Variants in LRP6 observed in about 807,000 individuals in gnomAD.
LRP6 encodes LDL receptor related protein 6.
In LRP6, 43 loss-of-function variants were observed where a neutral mutation model predicts 184.1. The ratio of observed to expected loss-of-function variants is 0.23; its 90% CI spans 0.18 to 0.30. The LOEUF (loss-of-function observed/expected upper bound fraction) is 0.30, where lower values mean the gene tolerates loss of function less well. LRP6 is among the 10% of genes least tolerant of loss of function. The pLI is 1.00. For missense variants in LRP6, 1,571 were observed against 2,005.3 expected, an observed-to-expected ratio of 0.78 and a Z score of 4.14; for synonymous variants, 719 against 684.9, an observed-to-expected ratio of 1.05 and a Z score of -0.78.
At chr12:12,192,241 T>C (rs957025538) in intron 3 of LRP6, among the ~76,000 whole-genome samples, 1 of 151,976 alleles carries the variant, frequency 6.6e-6, no homozygotes, top group Non-Finnish European at 1.5e-5. Flanking sequence ...TTTGACAAAA[T>C]GCACGTTGCA....
intron 2 of LRP6, among the ~76,000 whole-genome samples, chr12:12,217,215 C>G (rs1322640356): frequency 6.6e-6 from 1 of 152,142 alleles, no homozygotes; most frequent in Non-Finnish European, 1.5e-5. Context: ...TCTGTCAGAT[C>G]AGTGGAGGTA....
In LRP6 at chr12:12,244,482, G is replaced by A. The variant is rs1211813119; in HGVS notation, c.229C>T (p.Arg77Ter). 1 of 1,614,110 alleles carries A rather than the reference G, an allele frequency of 6.2e-7. No homozygotes were observed. The highest frequency in any genetic ancestry group is 2.2e-5 in the East Asian group (1 of 44,888). The part of the protein sequence containing the change: ...WSDVSEEAIK[R>*]TEFNKTESVQ... Reference sequence around the variant, plus strand: ...CTCTCAGTTTTGTTAAATTCTGTTCGTTTAATGGCTTCTTCGCTGACATCA... The same window carrying A: ...CTCTCAGTTTTGTTAAATTCTGTTCATTTAATGGCTTCTTCGCTGACATCA... The change falls in exon 2 of 23, where the codon CGA becomes TGA. Residue 77 changes from arginine to a stop codon, truncating the protein, a stop_gained. Transcript: ENST00000261349. LOFTEE classifies it high-confidence loss of function.
Position 12,181,075 on chromosome 12 carries a change from T to C in LRP6, c.1341A>G (p.Glu447=). 6.2e-7 allele frequency: 1 copy of C among 1,613,922 alleles called. No individual in the cohort carries two copies. Among genetic ancestry groups the C allele is most frequent in the Non-Finnish European group, 8.5e-7 (1 of 1,179,934 alleles). ...RKILISEDLE[E]PRAIVLDPMV... The stretch of plus-strand genomic sequence containing the variant: ...TGGGATCTAACACAATAGCCCGGGG[T>C]TCCTCTAAGTCCTCTGAAATCAAGA... The change falls in exon 6 of 23, where the codon GAA becomes GAG. Residue 447 remains glutamate, a synonymous_variant. Coordinates refer to ENST00000261349, the MANE Select transcript of LRP6 (RefSeq NM_002336.3).
chr12:12,197,933 A>C (rs1291321964), intron 3 of LRP6, among the ~76,000 whole-genome samples: 1 of 152,214 alleles, frequency 6.6e-6, no homozygotes, highest in Non-Finnish European at 1.5e-5. Context: ...AGTCCCAGCT[A>C]CTTGGGAGGC....
chr12:12,162,254 G>C lies in LRP6; in HGVS notation c.2218C>G (p.Gln740Glu), dbSNP rs1591901585. ...EVSKLDGQHR[Q>E]VLVWKDLDSP... ...TCTAGGTCTTTCCACACCAAAACTT[G>C]TCGGTGCTGCCCATCCAACTTTGAC... Residue 740 changes from glutamine (Q) to glutamate (E), a missense_variant, in exon 10 of 23, where the codon CAA (glutamine) becomes GAA (glutamate). This residue lies in a region of LRP6 where 158 missense variants were observed against 258.4 expected (regional missense o/e 0.61). Transcript: ENST00000261349. 6.2e-7 allele frequency: 1 copy of C among 1,614,036 alleles called. No homozygotes were observed. The highest frequency in any genetic ancestry group is 8.5e-7 in the Non-Finnish European group (1 of 1,180,038).
At chr12:12,191,522 A>G (rs1004677673) in intron 3 of LRP6, among the ~76,000 whole-genome samples, 10 of 152,218 alleles carry the variant, frequency 6.6e-5, no homozygotes, top group African/African-American at 2.4e-4. Context: ...AAAACAAATT[A>G]CTAACATCAA....
At chr12:12,146,552 C>T (rs1950009239) in intron 15 of LRP6, among the ~76,000 whole-genome samples, 2 of 152,142 alleles carry the variant, frequency 1.3e-5, no homozygotes, top group Admixed American at 6.5e-5. Context: ...TATCTTAAGA[C>T]GAACAAATAA....
At chr12:12,127,945 CAT>C (rs1379964545) in intron 19 of LRP6, among the ~76,000 whole-genome samples, 3 of 152,190 alleles carry the variant, frequency 2.0e-5, no homozygotes, top group Non-Finnish European at 4.4e-5. Flanking sequence ...GAATCTGAAG[CAT>C]AGACTCTTCT....
At position 12,120,900 on chromosome 12, in the gene LRP6, T is replaced by C. The variant is rs867623413; in HGVS notation, c.*226A>G. On this transcript the variant is annotated 3_prime_UTR_variant, in exon 23 of 23. Coordinates refer to ENST00000261349, the MANE Select transcript of LRP6 (RefSeq NM_002336.3). ...AAACTTTTAGTACAAATTTTTTTTATACAAACTTTTATGGCACAAGCAGCA... is the reference window on the plus strand; with the variant it reads ...AAACTTTTAGTACAAATTTTTTTTACACAAACTTTTATGGCACAAGCAGCA... 1.7e-5 allele frequency: 7 copies of C among 402,304 alleles called. No individual in the cohort carries two copies. Among genetic ancestry groups the C allele is most frequent in the Middle Eastern group, 1.3e-3 (2 of 1,572 alleles). 24.9% of individuals were successfully genotyped at this position (402,304 alleles called of 1,614,324 possible).
At chr12:12,165,994 T>C (rs774974029) in intron 7 of LRP6, among the ~76,000 whole-genome samples, 2 of 152,230 alleles carry the variant, frequency 1.3e-5, no homozygotes, top group Non-Finnish European at 2.9e-5. Flanking sequence ...GCATTCATAC[T>C]GTATTCACAG....
intron 3 of LRP6, among the ~76,000 whole-genome samples, chr12:12,189,860 C>T (rs1217107745): frequency 2.6e-5 from 4 of 152,132 alleles, no homozygotes; most frequent in African/African-American, 9.7e-5. Context: ...CCTCCCGCCA[C>T]AAGCCAAGTT....
intron 1 of LRP6, among the ~76,000 whole-genome samples, chr12:12,251,926 G>C (rs190675857): frequency 2.3e-4 from 35 of 152,102 alleles, no homozygotes; most frequent in African/African-American, 8.2e-4. Context: ...CTGGAGTATA[G>C]TGGCACAATC....
Position 12,159,902 on chromosome 12 carries a change from C to T in LRP6, c.2342G>A (p.Ser781Asn). The change falls in exon 11 of 23, where the codon AGT becomes AAT. Residue 781 changes from serine (S) to asparagine (N), a missense_variant. By Grantham distance (46) the Ser-to-Asn change is conservative (BLOSUM62 1). Around this residue, in one of 4 missense-constraint regions of LRP6, gnomAD observed 158 missense variants for 258.4 expected, o/e 0.61. Coordinates refer to ENST00000261349, the MANE Select transcript of LRP6 (RefSeq NM_002336.3). Reference sequence around the variant, plus strand: ...ATTTGGAACTAAGGTAGTACGTTCACTTCCATCCATTGCAGCTCTGTCTAT... The same window carrying T: ...ATTTGGAACTAAGGTAGTACGTTCATTTCCATCCATTGCAGCTCTGTCTAT... ...PKIDRAAMDG[S>N]ERTTLVPNVG... 5.0e-6 allele frequency: 8 copies of T among 1,614,060 alleles called. No homozygotes were observed. Among genetic ancestry groups the T allele is most frequent in the Non-Finnish European group, 6.8e-6 (8 of 1,179,928 alleles).
intron 4 of LRP6, among the ~76,000 whole-genome samples, chr12:12,186,297 C>CG (rs1863472313): frequency 1.3e-5 from 2 of 152,220 alleles, no homozygotes; most frequent in Admixed American, 1.3e-4. Flanking sequence ...CCTCTAAAAG[C>CG]GCTGACTCAA....
intron 18 of LRP6, among the ~76,000 whole-genome samples, chr12:12,131,521 A>C (rs973895506): frequency 2.4e-4 from 37 of 152,310 alleles, no homozygotes; most frequent in Admixed American, 6.5e-4. Flanking sequence ...AATATGTTAG[A>C]GCGTAATTAA....
intron 3 of LRP6, among the ~76,000 whole-genome samples, chr12:12,196,149 C>T (rs1863753409): frequency 6.6e-6 from 1 of 150,748 alleles, no homozygotes; most frequent in Non-Finnish European, 1.5e-5. Context: ...GTTCTTTTTG[C>T]TCAGGATTGC....
intron 5 of LRP6, among the ~76,000 whole-genome samples, chr12:12,183,435 A>T (rs1364407724): frequency 3.9e-5 from 6 of 152,254 alleles, no homozygotes; most frequent in Admixed American, 3.9e-4. Context: ...GGGAATTAAG[A>T]GTAAGGAGAA....
intron 1 of LRP6, among the ~76,000 whole-genome samples, chr12:12,249,777 C>T (rs932412759): frequency 1.3e-5 from 2 of 152,100 alleles, no homozygotes; most frequent in Non-Finnish European, 2.9e-5. Flanking sequence ...CAATTCTATG[C>T]AGCTAATTCC....
At chr12:12,257,741 G>A (rs191534348) in intron 1 of LRP6, among the ~76,000 whole-genome samples, 6 of 112,076 alleles carry the variant, frequency 5.4e-5, no homozygotes, top group Admixed American at 1.3e-4. Flanking sequence ...CCAGGAATTC[G>A]AGACCAGTCT....
Sources: allele counts gnomAD v4.1 joint callset (sites outside exome capture counted in the v4.1 genomes callset), GRCh38; gene constraint gnomAD v4.1.1; regional missense constraint gnomAD v4.1.1; transcripts MANE v1.5; gene names NCBI Gene and HGNC (gene_info 2026-07-23, HGNC 2026-07-21).